The following ME1 variants were observed in gnomAD, a reference collection of about 807,000 sequenced individuals.
The protein encoded by ME1 is NADP-dependent malic enzyme.
In ME1, 74 loss-of-function variants were observed where a neutral mutation model predicts 66.4. That is an observed-to-expected ratio of 1.11 (90% CI 0.92 to 1.35). The LOEUF (loss-of-function observed/expected upper bound fraction) is 1.35. Among genes scored for constraint, ME1 ranks in the 40% most tolerant of loss-of-function variants. The probability of loss-of-function intolerance (pLI) is 0.00; values close to 1 mark genes in which losing one functional copy is unlikely to be tolerated. For missense variants in ME1, 750 were observed against 694.1 expected, an observed-to-expected ratio of 1.08 and a Z score of -0.90; for synonymous variants, 251 against 235.6, an observed-to-expected ratio of 1.07 and a Z score of -0.60.
chr6:83,320,173 C>T (rs1187033219), intron 5 of ME1, among the ~76,000 whole-genome samples: 3 of 152,162 alleles, frequency 2.0e-5, no homozygotes, highest in Admixed American at 6.5e-5. Flanking sequence ...CCAGTCCAAA[C>T]TGCCAGCCAA....
rs181219852 is a variant in ME1 at position 83,347,300 on chromosome 6, C to T, written c.439-966G>A. Among the ~76,000 whole-genome samples, 6 of 152,236 alleles carry T rather than the reference C, an allele frequency of 3.9e-5. No homozygotes were observed. In the East Asian group the frequency reaches 1.2e-3, roughly 29 times the overall value. On this transcript the variant is annotated intron_variant, in intron 4 of 13. Coordinates refer to ENST00000369705, the MANE Select transcript of ME1 (RefSeq NM_002395.6). Reference sequence around the variant, plus strand: ...AACTTGAATATTTATGAAGCATATACTTTAATCATGTGGAGATTTTAATTC... The same window carrying T: ...AACTTGAATATTTATGAAGCATATATTTTAATCATGTGGAGATTTTAATTC...
intron 4 of ME1, among the ~76,000 whole-genome samples, chr6:83,351,750 T>C (rs1055729595): frequency 6.6e-6 from 1 of 152,144 alleles, no homozygotes; most frequent in Non-Finnish European, 1.5e-5. Context: ...TAGTGGATAA[T>C]TAAACACAAC....
chr6:83,323,286 G>A (rs1230869409), intron 5 of ME1, among the ~76,000 whole-genome samples: 1 of 152,054 alleles, frequency 6.6e-6, no homozygotes, highest in Non-Finnish European at 1.5e-5. Context: ...AATGACAGGA[G>A]CAAATTCAAA....
At chr6:83,392,485 A>C (rs1245062585) in intron 3 of ME1, 6 of 518,214 alleles carry the variant, frequency 1.2e-5, no homozygotes, top group African/African-American at 4.1e-5. Context: ...GGCTGCTTTA[A>C]ACTCTGGTTA....
intron 7 of ME1, among the ~76,000 whole-genome samples, chr6:83,242,861 G>C (rs1348555440): frequency 2.0e-5 from 3 of 152,072 alleles, no homozygotes; most frequent in Non-Finnish European, 4.4e-5. Flanking sequence ...TAAGTGACCA[G>C]ACTGATACAG....
At chr6:83,281,858 A>AT (rs1468540857) in intron 6 of ME1, among the ~76,000 whole-genome samples, 2 of 134,698 alleles carry the variant, frequency 1.5e-5, no homozygotes, top group African/African-American at 6.4e-5. Context: ...AAAAAGAGAA[A>AT]AAAAAAAAGA....
chr6:83,430,605 T>C (rs1770467061), intron 1 of ME1, among the ~76,000 whole-genome samples: 1 of 152,260 alleles, frequency 6.6e-6, no homozygotes, highest in Non-Finnish European at 1.5e-5. Context: ...TTTTCCTCTA[T>C]CACTAACCTT....
At position 83,243,887 on chromosome 6, in the gene ME1, G is replaced by GTATATATA. The variant is rs370591861; in HGVS notation, c.815-4259_815-4252dup. On this transcript the variant is annotated intron_variant, in intron 7 of 13. Transcript: ENST00000369705. ...TAACTCTCTCTCTATATGTGTGTGT[G>GTATATATA]TATATATATATATATATATCAGTTA... Among the ~76,000 whole-genome samples, 1,186 of 127,530 alleles carry GTATATATA rather than the reference G, an allele frequency of 9.3e-3. 16 individuals are homozygous for GTATATATA. Among genetic ancestry groups the GTATATATA allele is most frequent in the African/African-American group, 0.034 (1,116 of 32,858 alleles). 83.7% of individuals were successfully genotyped at this position (127,530 alleles called of 152,430 possible).
intron 6 of ME1, among the ~76,000 whole-genome samples, chr6:83,289,305 T>C (rs1240888102): frequency 2.6e-5 from 4 of 152,204 alleles, no homozygotes; most frequent in African/African-American, 4.8e-5. Context: ...ATAGCTCTTA[T>C]TATGTTGAGA....
intron 5 of ME1, among the ~76,000 whole-genome samples, chr6:83,317,999 A>G (rs867280942): frequency 1.4e-4 from 21 of 152,284 alleles, no homozygotes; most frequent in African/African-American, 5.1e-4. Context: ...ATAACGCCAC[A>G]TATCTACAAC....
intron 5 of ME1, among the ~76,000 whole-genome samples, chr6:83,333,736 G>A (rs933931438): frequency 8.5e-5 from 13 of 152,050 alleles, no homozygotes; most frequent in Non-Finnish European, 1.0e-4. Context: ...TATTGCTAAC[G>A]GAATACAGTT....
chr6:83,310,224 C>A (rs1204876714), intron 6 of ME1, among the ~76,000 whole-genome samples: 3 of 152,118 alleles, frequency 2.0e-5, no homozygotes, highest in South Asian at 4.2e-4. Context: ...CCCAGAGTGA[C>A]CCACATCCAC....
At chr6:83,369,141 C>T (rs1769149700) in intron 3 of ME1, among the ~76,000 whole-genome samples, 1 of 152,052 alleles carries the variant, frequency 6.6e-6, no homozygotes, top group South Asian at 2.1e-4. Flanking sequence ...CTTGTACTTC[C>T]AGGCACACAG....
chr6:83,399,119 C>A (rs1278208506), intron 2 of ME1, among the ~76,000 whole-genome samples: 1 of 151,916 alleles, frequency 6.6e-6, no homozygotes, highest in Non-Finnish European at 1.5e-5. Context: ...CTCAGCCTCC[C>A]AAGTAGCTGG....
At chr6:83,305,893 AC>A (rs1411699682) in intron 6 of ME1, among the ~76,000 whole-genome samples, 1 of 152,144 alleles carries the variant, frequency 6.6e-6, no homozygotes, top group Non-Finnish European at 1.5e-5. Flanking sequence ...AAATATATGT[AC>A]TTCATTCTAA....
At chr6:83,316,963 A>G (rs1297123885) in intron 5 of ME1, among the ~76,000 whole-genome samples, 1 of 152,126 alleles carries the variant, frequency 6.6e-6, no homozygotes, top group Non-Finnish European at 1.5e-5. Flanking sequence ...TAAAAATAAA[A>G]AAAAAAGACC....
At chr6:83,262,910 C>T (rs191016179) in intron 6 of ME1, among the ~76,000 whole-genome samples, 1 of 152,254 alleles carries the variant, frequency 6.6e-6, no homozygotes, top group East Asian at 1.9e-4. Context: ...AATTTATTAC[C>T]AGCACATCTC....
At chr6:83,367,067 C>T (rs1447810322) in intron 3 of ME1, among the ~76,000 whole-genome samples, 1 of 152,196 alleles carries the variant, frequency 6.6e-6, no homozygotes, top group Non-Finnish European at 1.5e-5. Context: ...TGTTAGCAGT[C>T]ATGAAAACAA....
At chr6:83,346,362 A>G (rs1221488101) in intron 4 of ME1, 28 bp from the exon 5 acceptor site, 1 of 1,541,358 alleles carries the variant, frequency 6.5e-7, no homozygotes, top group Non-Finnish European at 8.8e-7. Context: ...ATTACCTATT[A>G]ACAAGTTTTC....
Sources: allele counts gnomAD v4.1 joint callset (sites outside exome capture counted in the v4.1 genomes callset), GRCh38; gene constraint gnomAD v4.1.1; transcripts MANE v1.5; gene names NCBI Gene and HGNC (gene_info 2026-07-23, HGNC 2026-07-21).